Variants in MYO3A observed in about 807,000 individuals in gnomAD.
MYO3A encodes myosin IIIA.
Under a neutral mutation model 192.7 loss-of-function variants are expected in MYO3A, and 180 were observed. The observed-to-expected ratio is 0.93, with a 90% CI of 0.83 to 1.06. The LOEUF (loss-of-function observed/expected upper bound fraction) is 1.06. Ranked by LOEUF, MYO3A falls within the 50% of genes least tolerant of loss-of-function variation. The pLI is 0.00. For synonymous variants in MYO3A, 628 were observed against 645.3 expected (o/e 0.97, Z 0.41); for missense variants, 1,896 against 1,905.0 (o/e 1.00, Z 0.09).
intron 4 of MYO3A, among the ~76,000 whole-genome samples, chr10:25,968,038 A>G (rs1423616704): frequency 1.3e-5 from 2 of 152,056 alleles, no homozygotes; most frequent in South Asian, 2.1e-4. Context: ...AATGGCTGAA[A>G]TTTTTCTAAA....
intron 6 of MYO3A, among the ~76,000 whole-genome samples, chr10:26,008,077 C>T (rs1841358914): frequency 6.7e-6 from 1 of 148,894 alleles, no homozygotes; most frequent in South Asian, 2.1e-4. Context: ...GAAATAACGC[C>T]GCATATCTAC....
At chr10:26,092,055 A>G (rs182718914) in intron 15 of MYO3A, among the ~76,000 whole-genome samples, 1 of 152,362 alleles carries the variant, frequency 6.6e-6, no homozygotes, top group Admixed American at 6.5e-5. Context: ...GGTAGGTGGC[A>G]AGAGGAGGGG....
At chr10:25,969,089 A>G (rs1423041922) in intron 4 of MYO3A, among the ~76,000 whole-genome samples, 1 of 152,138 alleles carries the variant, frequency 6.6e-6, no homozygotes. Context: ...AATACAAAAA[A>G]TTAGCCGGGT....
chr10:26,174,565 A>G lies in MYO3A; in HGVS notation c.4293+8A>G, dbSNP rs1564621507. 6.2e-7 allele frequency: 1 copy of G among 1,605,728 alleles called. No individual in the cohort carries two copies. The highest frequency in any genetic ancestry group is 8.5e-7 in the Non-Finnish European group (1 of 1,173,226). ...GCAATTTTTTCAAAACAGGTATGTG[A>G]ATAAATAAATTTATTTACTAATAAA... On this transcript the variant is annotated splice_region_variant and intron_variant, in intron 30 of 34. Transcript: ENST00000642920.
intron 10 of MYO3A, among the ~76,000 whole-genome samples, chr10:26,041,021 G>A (rs1843315963): frequency 6.6e-6 from 1 of 151,990 alleles, no homozygotes; most frequent in African/African-American, 2.4e-5. Flanking sequence ...TTTTATTGGG[G>A]TTTATCTCTC....
chr10:26,114,586 T>TA (rs5783962), intron 17 of MYO3A, among the ~76,000 whole-genome samples: 3 of 151,956 alleles, frequency 2.0e-5, no homozygotes, highest in Non-Finnish European at 2.9e-5. Flanking sequence ...TTTAGATTTA[T>TA]AAAAAAATTC....
intron 2 of MYO3A, among the ~76,000 whole-genome samples, chr10:25,945,902 G>C (rs1282800507): frequency 6.6e-6 from 1 of 152,024 alleles, no homozygotes; most frequent in Non-Finnish European, 1.5e-5. Context: ...TGGTTACCAT[G>C]GGGATTATAC....
chr10:26,067,775 G>A (rs566709570), intron 11 of MYO3A, among the ~76,000 whole-genome samples: 1 of 152,298 alleles, frequency 6.6e-6, no homozygotes, highest in African/African-American at 2.4e-5. Flanking sequence ...GATCATTAGA[G>A]AAATAAATGC....
chr10:26,170,065 A>T (rs1255176956), intron 28 of MYO3A, among the ~76,000 whole-genome samples: 1 of 152,252 alleles, frequency 6.6e-6, no homozygotes, highest in Non-Finnish European at 1.5e-5. Context: ...TGATCATCTG[A>T]AATGTATCTG....
rs1214745811 is a variant in MYO3A at position 26,088,244 on chromosome 10, C to A, written c.1401C>A (p.Asn467Lys). ...RTLQEKILQV[N>K]NLVEAFGNAC... Reference sequence around the variant, plus strand: ...TGCAAGAGAAGATTTTACAAGTGAACAATTTGGTAGAAGCCTTTGGCAATG... The same window carrying A: ...TGCAAGAGAAGATTTTACAAGTGAAAAATTTGGTAGAAGCCTTTGGCAATG... Residue 467 changes from asparagine (N) to lysine (K), a missense_variant, in exon 15 of 35, where the codon AAC becomes AAA. Asn to Lys is a moderately conservative substitution (Grantham distance 94). Coordinates refer to ENST00000642920, the MANE Select transcript of MYO3A (RefSeq NM_017433.5). 1.9e-6 allele frequency: 3 copies of A among 1,612,838 alleles called. No individual in the cohort carries two copies.
At chr10:25,951,947 A>G in intron 2 of MYO3A, 147 bp from the exon 3 acceptor site, 1 of 614,026 alleles carries the variant, frequency 1.6e-6, no homozygotes, top group Non-Finnish European at 2.8e-6. Flanking sequence ...TTGAAATTCA[A>G]ATTTCCTGTG....
At chr10:26,139,670 C>T (rs75445272) in intron 20 of MYO3A, among the ~76,000 whole-genome samples, 9,308 of 151,844 alleles carry the variant, frequency 0.061, 369 homozygotes, top group Non-Finnish European at 0.089. Flanking sequence ...GGTTGGGGTG[C>T]GGTGGGGGAA....
At chr10:25,979,412 CAAA>C (rs75596181) in intron 4 of MYO3A, among the ~76,000 whole-genome samples, 1 of 125,674 alleles carries the variant, frequency 8.0e-6, no homozygotes. Context: ...CTTCTATTAC[CAAA>C]AAAAAAAAAA....
At position 26,026,368 on chromosome 10, in the gene MYO3A, C is replaced by A. The variant is rs1398764138; in HGVS notation, c.798-9C>A. ...TCTAATAATTGCATGTTCTTTTTTG[C>A]CAGTGCAGGTGCTTGACTAAAGATT... On this transcript the variant is annotated splice_polypyrimidine_tract_variant and intron_variant, in intron 9 of 34. Coordinates refer to ENST00000642920, the MANE Select transcript of MYO3A (RefSeq NM_017433.5). The A allele has an allele frequency of 6.2e-7, 1 of 1,613,116 alleles. No individual in the cohort carries two copies. Among genetic ancestry groups the A allele is most frequent in the Admixed American group, 1.7e-5 (1 of 59,826 alleles).
chr10:26,173,916 G>C lies in MYO3A; in HGVS notation c.3652G>C (p.Val1218Leu). The C allele has an allele frequency of 2.5e-6, 4 of 1,613,416 alleles. No homozygotes were observed. The highest frequency in any genetic ancestry group is 3.4e-6 in the Non-Finnish European group (4 of 1,179,898). The change falls in exon 30 of 35, where the codon GTC becomes CTC. Residue 1218 changes from valine to leucine, a missense_variant. Transcript: ENST00000642920. ...AGAAGTAAGCCCCAAACAGAAGTCTGTCAAAGACCTGGAAGAGAACAGCAA... is the reference window on the plus strand; with the variant it reads ...AGAAGTAAGCCCCAAACAGAAGTCTCTCAAAGACCTGGAAGAGAACAGCAA... ...GPEVSPKQKS[V>L]KDLEENSNLR...
intron 15 of MYO3A, among the ~76,000 whole-genome samples, chr10:26,091,604 C>T (rs1484660725): frequency 6.6e-6 from 1 of 152,182 alleles, no homozygotes; most frequent in Non-Finnish European, 1.5e-5. Flanking sequence ...ATGGTCCTCT[C>T]CATTGTGGAG....
chr10:26,041,374 T>G (rs1198089164), intron 10 of MYO3A, among the ~76,000 whole-genome samples: 1 of 151,584 alleles, frequency 6.6e-6, no homozygotes, highest in Admixed American at 6.6e-5. Context: ...TTTTATCCAT[T>G]CAGCCACTGT....
At chr10:26,048,654 G>A (rs985800189) in intron 10 of MYO3A, among the ~76,000 whole-genome samples, 1 of 152,070 alleles carries the variant, frequency 6.6e-6, no homozygotes, top group African/African-American at 2.4e-5. Context: ...GAATGATAGT[G>A]TAATTCTCTT....
intron 4 of MYO3A, among the ~76,000 whole-genome samples, chr10:25,989,134 A>G (rs1356700143): frequency 1.3e-5 from 2 of 151,634 alleles, no homozygotes; most frequent in Non-Finnish European, 2.9e-5. Context: ...TTTTAGAGGC[A>G]GGGGTCTTAC....
Sources: allele counts gnomAD v4.1 joint callset (sites outside exome capture counted in the v4.1 genomes callset), GRCh38; gene constraint gnomAD v4.1.1; transcripts MANE v1.5; gene names NCBI Gene and HGNC (gene_info 2026-07-23, HGNC 2026-07-21).